ST6GALNAC5: variants seen among roughly 807,000 people sequenced by gnomAD.
ST6GALNAC5 encodes alpha-N-acetylgalactosaminide alpha-2,6-sialyltransferase 5.
A neutral mutation model predicts 33.6 loss-of-function variants in ST6GALNAC5; 27 were observed. The ratio of observed to expected loss-of-function variants is 0.80; its 90% confidence interval spans 0.59 to 1.11. ST6GALNAC5 has a LOEUF of 1.11. Among genes scored for constraint, ST6GALNAC5 ranks in the 50% least tolerant of loss-of-function variants. ST6GALNAC5 has a pLI of 0.00. For missense variants in ST6GALNAC5, 428 were observed against 454.0 expected (o/e 0.94, Z 0.52); for synonymous variants, 194 against 171.2 (o/e 1.13, Z -1.04).
At position 77,011,323 on chromosome 1, in the gene ST6GALNAC5, T is replaced by C. The variant is rs144826691; in HGVS notation, c.262-32881T>C. On this transcript the variant is annotated intron_variant, in intron 2 of 4. Transcript: ENST00000477717. ...AGTCACCAACACATTCAAACTGGAG[T>C]GGAGAATTGGGGATTTAAAAATGTG... 1.4e-3 allele frequency among the ~76,000 whole-genome samples: 210 copies of C among 152,108 alleles called. 1 individual carries two copies. The highest frequency in any genetic ancestry group is 4.8e-3 in the African/African-American group (200 of 41,476).
chr1:77,010,532 G>A (rs917268794), intron 2 of ST6GALNAC5, among the ~76,000 whole-genome samples: 2 of 152,012 alleles, frequency 1.3e-5, no homozygotes, highest in Non-Finnish European at 1.5e-5. Flanking sequence ...ACCTTGCCTC[G>A]TACTGTTGGG....
intron 2 of ST6GALNAC5, among the ~76,000 whole-genome samples, chr1:76,942,606 C>T (rs189698874): frequency 9.8e-4 from 149 of 152,208 alleles, no homozygotes; most frequent in Non-Finnish European, 2.0e-3. Context: ...AGCACAGCAG[C>T]ACATCTTCTA....
intron 2 of ST6GALNAC5, among the ~76,000 whole-genome samples, chr1:77,027,525 G>C (rs1448672667): frequency 1.3e-5 from 2 of 152,234 alleles, no homozygotes; most frequent in African/African-American, 4.8e-5. Context: ...ATTCAGGGCA[G>C]AGATGGTGGA....
chr1:77,005,915 T>C (rs1420144575), intron 2 of ST6GALNAC5, among the ~76,000 whole-genome samples: 1 of 152,252 alleles, frequency 6.6e-6, no homozygotes, highest in Non-Finnish European at 1.5e-5. Context: ...TTCTACTCCA[T>C]GTTATACACA....
chr1:77,047,917 C>T (rs1457371331), intron 3 of ST6GALNAC5, among the ~76,000 whole-genome samples: 1 of 152,136 alleles, frequency 6.6e-6, no homozygotes, highest in African/African-American at 2.4e-5. Context: ...TCTTTCATTA[C>T]AGCTGATTAA....
At chr1:76,948,441 C>T (rs1318260686) in intron 2 of ST6GALNAC5, among the ~76,000 whole-genome samples, 5 of 151,954 alleles carry the variant, frequency 3.3e-5, no homozygotes, top group African/African-American at 4.8e-5. Flanking sequence ...AGAAAGAGAA[C>T]GTTCAGTGAA....
At chr1:77,047,126 G>A (rs886637479) in intron 3 of ST6GALNAC5, among the ~76,000 whole-genome samples, 5 of 152,322 alleles carry the variant, frequency 3.3e-5, no homozygotes, top group Admixed American at 2.0e-4. Context: ...CAGGGTCCAC[G>A]TAGTCCCTAC....
chr1:77,027,124 C>G (rs1271900556), intron 2 of ST6GALNAC5, among the ~76,000 whole-genome samples: 2 of 152,276 alleles, frequency 1.3e-5, no homozygotes, highest in Non-Finnish European at 2.9e-5. Context: ...GCCAGCTCCA[C>G]TGCTCAGTGC....
chr1:76,914,373 G>T lies in ST6GALNAC5; in HGVS notation c.261+45631G>T, dbSNP rs546058960. On this transcript the variant is annotated intron_variant, in intron 2 of 4. Coordinates refer to ENST00000477717, the MANE Select transcript of ST6GALNAC5 (RefSeq NM_030965.3). ...TTCATGTGGAACCAAAAAAGAGCCC[G>T]CATCGCCAAGTCAATCCTAAGCCAA... 5.5e-3 allele frequency among the ~76,000 whole-genome samples: 834 copies of T among 152,168 alleles called. 6 individuals carry two copies. The highest frequency in any genetic ancestry group is 0.019 in the African/African-American group (796 of 41,494).
chr1:77,022,980 G>A (rs776829412), intron 2 of ST6GALNAC5, among the ~76,000 whole-genome samples: 20 of 152,184 alleles, frequency 1.3e-4, no homozygotes, highest in Non-Finnish European at 1.9e-4. Context: ...GATGCAGGAC[G>A]TACTTAAGGA....
intron 2 of ST6GALNAC5, among the ~76,000 whole-genome samples, chr1:76,894,715 G>A (rs1274564746): frequency 6.6e-6 from 1 of 152,178 alleles, no homozygotes; most frequent in Admixed American, 6.5e-5. Context: ...GTTGCAGGTG[G>A]TGGGTATGTA....
chr1:76,966,811 T>C (rs926349832), intron 2 of ST6GALNAC5, among the ~76,000 whole-genome samples: 2 of 152,382 alleles, frequency 1.3e-5, no homozygotes, highest in Non-Finnish European at 2.9e-5. Flanking sequence ...GCATGAAGGC[T>C]GTTGAATTTT....
Position 77,063,226 on chromosome 1 carries a change from G to C in ST6GALNAC5, c.*20G>C, listed in dbSNP as rs7534602. ...TTCTAAGGAATGAGCATGCCAGACT[G>C]TAATCCCAGGTATTCACTGCATCAG... On this transcript the variant is annotated 3_prime_UTR_variant, in exon 5 of 5. Coordinates refer to ENST00000477717, the MANE Select transcript of ST6GALNAC5 (RefSeq NM_030965.3). 1.9e-6 allele frequency: 3 copies of C among 1,602,496 alleles called. No homozygotes were observed. Among genetic ancestry groups the C allele is most frequent in the East Asian group, 4.5e-5 (2 of 44,784 alleles).
intron 2 of ST6GALNAC5, among the ~76,000 whole-genome samples, chr1:76,888,829 T>A (rs988045236): frequency 6.6e-6 from 1 of 152,178 alleles, no homozygotes; most frequent in African/African-American, 2.4e-5. Context: ...TACAGCATGA[T>A]GTTTTGGTAT....
At chr1:76,931,323 T>G (rs952126064) in intron 2 of ST6GALNAC5, among the ~76,000 whole-genome samples, 1 of 152,156 alleles carries the variant, frequency 6.6e-6, no homozygotes, top group African/African-American at 2.4e-5. Flanking sequence ...ATCAGAGGAC[T>G]AGGTATAGTA....
intron 2 of ST6GALNAC5, among the ~76,000 whole-genome samples, chr1:76,982,560 G>A (rs2100382894): frequency 6.6e-6 from 1 of 152,294 alleles, no homozygotes; most frequent in Non-Finnish European, 1.5e-5. Flanking sequence ...AAAGTGATGG[G>A]CGGATGAAGC....
chr1:76,969,764 A>G (rs1313089057), intron 2 of ST6GALNAC5, among the ~76,000 whole-genome samples: 1 of 151,162 alleles, frequency 6.6e-6, no homozygotes, highest in Non-Finnish European at 1.5e-5. Flanking sequence ...ACTGGGAGAG[A>G]CCTCCCAGTA....
intron 2 of ST6GALNAC5, among the ~76,000 whole-genome samples, chr1:77,002,731 C>T (rs1570080209): frequency 1.3e-5 from 2 of 148,422 alleles, no homozygotes; most frequent in Admixed American, 6.8e-5. Context: ...TTTATTTCTG[C>T]CTTCATTTCG....
chr1:77,064,686 C>A lies in ST6GALNAC5; in HGVS notation c.*1480C>A, dbSNP rs534205006. The A allele has an allele frequency of 6.6e-6, 1 of 152,118 alleles. No homozygotes were observed. Among genetic ancestry groups the A allele is most frequent in the Admixed American group, 6.5e-5 (1 of 15,272 alleles). 9.4% of individuals were successfully genotyped at this position (152,118 alleles called of 1,614,324 possible). A position where few individuals can be genotyped will look rare whatever the true frequency, so the allele number is the denominator to read the frequency against. ...TTTTATTTAAACAAGTAATATTGTT[C>A]AAAAATAGTCTCTTATAAATATACT... On this transcript the variant is annotated 3_prime_UTR_variant, in exon 5 of 5. Coordinates refer to ENST00000477717, the MANE Select transcript of ST6GALNAC5 (RefSeq NM_030965.3).
Sources: gnomAD v4.1 joint callset for allele counts (sites outside exome capture counted in the v4.1 genomes callset) on GRCh38, gnomAD v4.1.1 for gene constraint, MANE v1.5 for transcripts, NCBI Gene and HGNC (gene_info 2026-07-23, HGNC 2026-07-21) for gene names.